ARRDC3: variants seen among roughly 807,000 people sequenced by gnomAD.
The protein encoded by ARRDC3 is arrestin domain-containing protein 3.
Under a neutral mutation model 47.2 loss-of-function variants are expected in ARRDC3, and 10 were observed. The ratio of observed to expected loss-of-function variants is 0.21; its 90% CI spans 0.13 to 0.36. ARRDC3 has a LOEUF of 0.36. ARRDC3 is among the 10% of genes least tolerant of loss of function. ARRDC3 has a pLI of 1.00. For synonymous variants in ARRDC3, 156 were observed against 178.3 expected (o/e 0.87, Z 1.00); for missense variants, 381 against 503.6 (o/e 0.76, Z 2.33).
intron 7 of ARRDC3, 64 bp downstream of exon 7, chr5:91,373,620 A>C: frequency 6.8e-7 from 1 of 1,471,746 alleles, no homozygotes; most frequent in South Asian, 1.3e-5. Context: ...AAGAAAAAAA[A>C]ATGCCTGCAA....
chr5:91,377,998 T>G (rs1799345602), intron 2 of ARRDC3, among the ~76,000 whole-genome samples: 1 of 152,120 alleles, frequency 6.6e-6, no homozygotes, highest in Non-Finnish European at 1.5e-5. Context: ...GGTTTTAATA[T>G]TTGTTAAAAG....
At chr5:91,380,292 C>A (rs1799419715) in intron 1 of ARRDC3, 1 of 152,988 alleles carries the variant, frequency 6.5e-6, no homozygotes, top group South Asian at 1.8e-4. Flanking sequence ...GCGCCCGTGC[C>A]CGCGCAACCT....
In ARRDC3 at chr5:91,378,804, A is replaced by C. The variant is rs1274793094; in HGVS notation, c.281-29T>G. 8 of 1,453,846 alleles carry C rather than the reference A, an allele frequency of 5.5e-6. No homozygotes were observed. The African/African-American group carries it at 1.1e-4, about 21-fold the overall frequency. 90.1% of individuals were successfully genotyped at this position (1,453,846 alleles called of 1,614,324 possible). On this transcript the variant is annotated intron_variant, in intron 1 of 7. Coordinates refer to ENST00000265138, the MANE Select transcript of ARRDC3 (RefSeq NM_020801.4). ...AAACAAACATAAAAAGAAAACAAAG[A>C]ATTTATTATTCAACATTTACATACT... is the stretch of plus-strand genomic sequence containing the variant.
chr5:91,375,172 G>A lies in ARRDC3; in HGVS notation c.620C>T (p.Ser207Leu), dbSNP rs1304939855. 4 of 1,612,644 alleles carry A rather than the reference G, an allele frequency of 2.5e-6. No homozygotes were observed. Reference protein sequence around the residue: ...IERKGYTPGESIQIFAEIENC... With the variant: ...IERKGYTPGELIQIFAEIENC... ...CTCAATCTCAGCAAATATCTGAATTGATTCACCTAGAGAGGGAAAAATATA... is the reference window on the plus strand; with the variant it reads ...CTCAATCTCAGCAAATATCTGAATTAATTCACCTAGAGAGGGAAAAATATA... The change falls in exon 5 of 8, where the codon TCA becomes TTA. Residue 207 changes from serine (S) to leucine (L), a missense_variant. Coordinates refer to ENST00000265138, the MANE Select transcript of ARRDC3 (RefSeq NM_020801.4).
In ARRDC3 at chr5:91,369,756, TACAACA is replaced by T. The variant is rs200438683; in HGVS notation, c.*1638_*1643del. ...CATCAGAGCTGAATTCCTTCTAAAA[TACAACA>T]ACAACAACAACAACAAAATAAGTAC... On this transcript the variant is annotated 3_prime_UTR_variant, in exon 8 of 8. Transcript: ENST00000265138. 6.6e-6 allele frequency: 1 copy of T among 151,794 alleles called. No individual in the cohort carries two copies. The highest frequency in any genetic ancestry group is 1.5e-5 in the Non-Finnish European group (1 of 67,942). The allele number at this position is 151,794 out of a possible 1,614,324, so 9.4% of individuals were successfully genotyped here.
chr5:91,368,836 A>G lies in ARRDC3; in HGVS notation c.*2564T>C, dbSNP rs1799099669. 1 of 152,664 alleles carries G rather than the reference A, an allele frequency of 6.6e-6. No homozygotes were observed. The highest frequency in any genetic ancestry group is 1.5e-5 in the Non-Finnish European group (1 of 68,036). The allele number at this position is 152,664 out of a possible 1,614,324, so 9.5% of individuals were successfully genotyped here. On this transcript the variant is annotated 3_prime_UTR_variant, in exon 8 of 8. Coordinates refer to ENST00000265138, the MANE Select transcript of ARRDC3 (RefSeq NM_020801.4). ...CTTAAAACAGAGCCTACAAGGACAT[A>G]TTCAGCACCAAATAAAAAAGGAAAA... is the stretch of plus-strand genomic sequence containing the variant.
At chr5:91,372,388 A>C (rs558710234) in intron 7 of ARRDC3, among the ~76,000 whole-genome samples, 1 of 152,270 alleles carries the variant, frequency 6.6e-6, no homozygotes, top group South Asian at 2.1e-4. Context: ...TTTTAAAAGG[A>C]GGCAGAATTT....
chr5:91,381,832 G>T (rs951880183), intron 1 of ARRDC3, among the ~76,000 whole-genome samples: 33 of 152,296 alleles, frequency 2.2e-4, no homozygotes, highest in Non-Finnish European at 3.8e-4. Context: ...TAACCAATCT[G>T]CTGAGAGCAG....
chr5:91,371,460 G>C lies in ARRDC3; in HGVS notation c.1189-4C>G. 2 of 1,611,870 alleles carry C rather than the reference G, an allele frequency of 1.2e-6. No homozygotes were observed. Among genetic ancestry groups the C allele is most frequent in the Non-Finnish European group, 1.7e-6 (2 of 1,178,662 alleles). ...ACTGATCAGGATTTGGATCAATCTA[G>C]AAAGAAATGAGAAAAAAAGTTTACA... On this transcript the variant is annotated splice_region_variant and splice_polypyrimidine_tract_variant and intron_variant, in intron 7 of 7. Coordinates refer to ENST00000265138, the MANE Select transcript of ARRDC3 (RefSeq NM_020801.4).
chr5:91,381,722 T>C (rs1238902029), intron 1 of ARRDC3, among the ~76,000 whole-genome samples: 1 of 152,168 alleles, frequency 6.6e-6, no homozygotes, highest in Non-Finnish European at 1.5e-5. Context: ...CTGAACTAAA[T>C]ACTGCATTAA....
In ARRDC3 at chr5:91,373,778, A is replaced by C. The variant is rs1799235310; in HGVS notation, c.1094T>G (p.Val365Gly). ...TCTCTCAAAGTCATCACAAGCACTC[A>C]CTGGTGCAAGATTGTTCCGCCTTTG... ...EEQRRNNLAPVSACDDFERAL... is the reference protein window; with the variant it reads ...EEQRRNNLAPGSACDDFERAL... Residue 365 changes from valine to glycine, a missense_variant, in exon 7 of 8, where the codon GTG becomes GGG. Val to Gly is a moderately radical substitution (Grantham distance 109). Transcript: ENST00000265138. 1 of 1,614,106 alleles carries C rather than the reference A, an allele frequency of 6.2e-7. No individual in the cohort carries two copies. The highest frequency in any genetic ancestry group is 1.7e-5 in the Admixed American group (1 of 60,012).
In ARRDC3 at chr5:91,370,425, T is replaced by C. The variant is rs1799142352; in HGVS notation, c.*975A>G. ...TGTCATGATAAAAAGGGAATGTGGGTGTGTAACTTTTGTGTATGTCCCGTT... is the reference window on the plus strand; with the variant it reads ...TGTCATGATAAAAAGGGAATGTGGGCGTGTAACTTTTGTGTATGTCCCGTT... On this transcript the variant is annotated 3_prime_UTR_variant, in exon 8 of 8. Coordinates refer to ENST00000265138, the MANE Select transcript of ARRDC3 (RefSeq NM_020801.4). 1 of 152,586 alleles carries C rather than the reference T, an allele frequency of 6.6e-6. No homozygotes were observed. Among genetic ancestry groups the C allele is most frequent in the South Asian group, 2.1e-4 (1 of 4,836 alleles). The allele number at this position is 152,586 out of a possible 1,614,324, so 9.5% of individuals were successfully genotyped here.
At position 91,371,255 on chromosome 5, in the gene ARRDC3, C is replaced by T. The variant is rs937687126; in HGVS notation, c.*145G>A. Reference sequence around the variant, plus strand: ...TTGCTGTAGGCTTCTAAAGCATGATCACTGGTTGTTTCATGTATTCGCCAT... The same window carrying T: ...TTGCTGTAGGCTTCTAAAGCATGATTACTGGTTGTTTCATGTATTCGCCAT... On this transcript the variant is annotated 3_prime_UTR_variant, in exon 8 of 8. Coordinates refer to ENST00000265138, the MANE Select transcript of ARRDC3 (RefSeq NM_020801.4). 6.2e-6 allele frequency: 4 copies of T among 645,824 alleles called. No homozygotes were observed. The highest frequency in any genetic ancestry group is 1.1e-5 in the Non-Finnish European group (4 of 371,308). 40.0% of individuals were successfully genotyped at this position (645,824 alleles called of 1,614,324 possible).
chr5:91,375,504 T>C lies in ARRDC3; in HGVS notation c.613+7A>G, dbSNP rs1799280582. The stretch of plus-strand genomic sequence containing the variant: ...AAGTTTTTTGTGGGAATCTACCTCT[T>C]ACATACCTGGGGTATAGCCCTTCCT... On this transcript the variant is annotated splice_region_variant and intron_variant, in intron 4 of 7. Transcript: ENST00000265138. 2 of 1,590,850 alleles carry C rather than the reference T, an allele frequency of 1.3e-6. No homozygotes were observed. The highest frequency in any genetic ancestry group is 1.7e-6 in the Non-Finnish European group (2 of 1,167,640).
intron 2 of ARRDC3, among the ~76,000 whole-genome samples, chr5:91,378,456 T>G (rs1041702131): frequency 6.6e-6 from 1 of 152,114 alleles, no homozygotes; most frequent in Non-Finnish European, 1.5e-5. Context: ...ATTCCTATTT[T>G]AAAAACCTCA....
rs1282671770 is a variant in ARRDC3, at chr5:91,368,686, T to C, written c.*2714A>G. On this transcript the variant is annotated 3_prime_UTR_variant, in exon 8 of 8. Transcript: ENST00000265138. ...TAATGTGTTTGCATGTATGGTGAGTTACTAATATGATCAAGATTCAAATAA... is the reference window on the plus strand; with the variant it reads ...TAATGTGTTTGCATGTATGGTGAGTCACTAATATGATCAAGATTCAAATAA... The C allele has an allele frequency of 6.6e-6, 1 of 152,382 alleles. No homozygotes were observed. Among genetic ancestry groups the C allele is most frequent in the Non-Finnish European group, 1.5e-5 (1 of 68,042 alleles). 9.4% of individuals were successfully genotyped at this position (152,382 alleles called of 1,614,324 possible). A position where few individuals can be genotyped will look rare whatever the true frequency, so the allele number is the denominator to read the frequency against.
chr5:91,377,797 T>G (rs115285493), intron 2 of ARRDC3, among the ~76,000 whole-genome samples: 2,311 of 152,138 alleles, frequency 0.015, 54 homozygotes, highest in African/African-American at 0.052. Context: ...GGCATTATAT[T>G]CCAAATAAAA....
At chr5:91,378,862 A>G (rs887477262) in intron 1 of ARRDC3, 87 bp from the exon 2 acceptor site, 17 of 760,330 alleles carry the variant, frequency 2.2e-5, no homozygotes, top group Non-Finnish European at 3.3e-5. Flanking sequence ...AGATGCTTAC[A>G]TAACAATTAA....
intron 4 of ARRDC3, 133 bp downstream of exon 4, chr5:91,375,378 C>CA: frequency 1.1e-6 from 1 of 874,860 alleles, no homozygotes. Flanking sequence ...GTGAAAAAAA[C>CA]AAATGGATAA....
Sources: gnomAD v4.1 joint callset for allele counts (sites outside exome capture counted in the v4.1 genomes callset) on GRCh38, gnomAD v4.1.1 for gene constraint, MANE v1.5 for transcripts, NCBI Gene and HGNC (gene_info 2026-07-23, HGNC 2026-07-21) for gene names.